The following ANTXR1 variants were observed in gnomAD, a reference collection of about 807,000 sequenced individuals.
ANTXR1 encodes ANTXR cell adhesion molecule 1, also known as anthrax toxin receptor 1.
Under a neutral mutation model 78.1 loss-of-function variants are expected in ANTXR1, and 19 were observed. The ratio of observed to expected loss-of-function variants is 0.24; its 90% CI spans 0.17 to 0.36. The LOEUF (loss-of-function observed/expected upper bound fraction) is 0.36. ANTXR1 is among the 10% of genes least tolerant of loss of function. The probability of loss-of-function intolerance (pLI) is 1.00; values close to 1 mark genes in which losing one functional copy is unlikely to be tolerated. For synonymous variants in ANTXR1, 273 were observed against 260.5 expected (o/e 1.05, Z -0.46); for missense variants, 518 against 718.6 (o/e 0.72, Z 3.19).
At chr2:69,132,955 A>T (rs909557583) in intron 12 of ANTXR1, among the ~76,000 whole-genome samples, 2 of 152,234 alleles carry the variant, frequency 1.3e-5, no homozygotes, top group Non-Finnish European at 2.9e-5. Flanking sequence ...TATAAAAGCA[A>T]ATATCACACA....
chr2:69,235,581 G>T (rs1675737784), intron 17 of ANTXR1, among the ~76,000 whole-genome samples: 1 of 149,732 alleles, frequency 6.7e-6, no homozygotes, highest in Non-Finnish European at 1.5e-5. Context: ...GAACCCAGGA[G>T]GCAGAGGTTG....
chr2:69,205,349 G>A (rs1674870010), intron 17 of ANTXR1, among the ~76,000 whole-genome samples: 1 of 152,006 alleles, frequency 6.6e-6, no homozygotes, highest in Non-Finnish European at 1.5e-5. Context: ...AACCAGGGAG[G>A]GTAGGGAGTG....
chr2:69,039,685 CTAATCAGAGAAA>C (rs1235657536), intron 1 of ANTXR1, among the ~76,000 whole-genome samples: 1 of 152,044 alleles, frequency 6.6e-6, no homozygotes, highest in Non-Finnish European at 1.5e-5. Flanking sequence ...TTTTTCTTCC[CTAATCAGAGAAA>C]TAATTTAATA....
At chr2:69,225,391 G>A (rs896278083) in intron 17 of ANTXR1, among the ~76,000 whole-genome samples, 1 of 152,158 alleles carries the variant, frequency 6.6e-6, no homozygotes, top group Non-Finnish European at 1.5e-5. Context: ...AAAGTGGAAG[G>A]ATCGCTTGAG....
intron 13 of ANTXR1, among the ~76,000 whole-genome samples, chr2:69,160,405 TAACCTTA>T (rs931937974): frequency 1.3e-5 from 2 of 152,188 alleles, no homozygotes; most frequent in Admixed American, 1.3e-4. Context: ...TCCAATCCTT[TAACCTTA>T]ATTTCCCCCG....
chr2:69,081,849 C>T (rs772492447), intron 8 of ANTXR1, among the ~76,000 whole-genome samples: 3 of 152,250 alleles, frequency 2.0e-5, no homozygotes, highest in Non-Finnish European at 4.4e-5. Flanking sequence ...AATCATTTCA[C>T]ATAATCATCT....
intron 17 of ANTXR1, among the ~76,000 whole-genome samples, chr2:69,240,709 G>A (rs1675875166): frequency 6.6e-6 from 1 of 152,230 alleles, no homozygotes; most frequent in Admixed American, 6.5e-5. Flanking sequence ...ACAGTATAAA[G>A]AGGATGAGTT....
chr2:69,158,091 T>C (rs1430062539), intron 13 of ANTXR1, among the ~76,000 whole-genome samples: 2 of 152,208 alleles, frequency 1.3e-5, no homozygotes, highest in African/African-American at 4.8e-5. Flanking sequence ...TGCTTGTCTG[T>C]CTTCCTCTGT....
chr2:69,036,983 G>A (rs1330844456), intron 1 of ANTXR1, among the ~76,000 whole-genome samples: 1 of 152,198 alleles, frequency 6.6e-6, no homozygotes, highest in Non-Finnish European at 1.5e-5. Context: ...AAAGCTTTAA[G>A]CCCAGGGCTA....
At chr2:69,183,568 ATTTTTGTTTTT>A (rs1371974541) in intron 16 of ANTXR1, among the ~76,000 whole-genome samples, 11 of 118,378 alleles carry the variant, frequency 9.3e-5, no homozygotes, top group African/African-American at 4.0e-4. Context: ...CACCCAGCTA[ATTTTTGTTTTT>A]TTTTTTTTTT....
rs759109972 is a variant in ANTXR1 at position 69,193,285 on chromosome 2, G to A, written c.1354-50G>A. 10 of 1,570,896 alleles carry A rather than the reference G, an allele frequency of 6.4e-6. No individual in the cohort carries two copies. In the South Asian group the frequency reaches 1.1e-4, roughly 17 times the overall value. On this transcript the variant is annotated intron_variant, in intron 16 of 17. Coordinates refer to ENST00000303714, the MANE Select transcript of ANTXR1 (RefSeq NM_032208.3). ...AAGTTCTGTGAGCCTACGGCGGCTA[G>A]CCACAGGTCTGGTTTCATATGTAAT...
Position 69,228,336 on chromosome 2 carries a change from G to C in ANTXR1, c.1435-16889G>C, listed in dbSNP as rs145097679. Among the ~76,000 whole-genome samples the C allele has an allele frequency of 1.4e-3, 211 of 152,304 alleles. 1 individual carries two copies. Among genetic ancestry groups the C allele is most frequent in the East Asian group, 0.013 (69 of 5,184 alleles). On this transcript the variant is annotated intron_variant, in intron 17 of 17. Transcript: ENST00000303714. ...GGAGGCTGGGTAAGTGTTGGGACCC[G>C]TGGAAACTTCTCAAATGGGTAATAT...
chr2:69,146,962 G>T lies in ANTXR1; in HGVS notation c.952-5207G>T, dbSNP rs1219836697. On this transcript the variant is annotated intron_variant, in intron 12 of 17. Coordinates refer to ENST00000303714, the MANE Select transcript of ANTXR1 (RefSeq NM_032208.3). ...GAGCAGCAGTCCCGACCCTCCTGGG[G>T]TGCAATCCGGGAAGGAGATCTTGGA... Among the ~76,000 whole-genome samples the T allele has an allele frequency of 2.6e-5, 4 of 152,258 alleles. No individual in the cohort carries two copies. The East Asian group carries it at 7.7e-4, about 29-fold the overall frequency.
chr2:69,160,139 G>A (rs1673639391), intron 13 of ANTXR1, among the ~76,000 whole-genome samples: 1 of 152,156 alleles, frequency 6.6e-6, no homozygotes, highest in African/African-American at 2.4e-5. Context: ...CACGCCTCAG[G>A]CTACAGCTGA....
At chr2:69,070,797 T>A in intron 4 of ANTXR1, 69 bp downstream of exon 4, 2 of 1,435,552 alleles carry the variant, frequency 1.4e-6, no homozygotes, top group Non-Finnish European at 2.0e-6. Context: ...GGGTGACTGA[T>A]GAGATAAGGC....
At chr2:69,035,282 G>A (rs1671648103) in intron 1 of ANTXR1, among the ~76,000 whole-genome samples, 1 of 152,140 alleles carries the variant, frequency 6.6e-6, no homozygotes. Flanking sequence ...TCCTGCCACT[G>A]GGGCTTTGGG....
chr2:69,129,040 C>G (rs1458495176), intron 12 of ANTXR1, among the ~76,000 whole-genome samples: 1 of 152,172 alleles, frequency 6.6e-6, no homozygotes, highest in Non-Finnish European at 1.5e-5. Flanking sequence ...AGAGCTAAAA[C>G]ATTCCTATAC....
chr2:69,180,703 G>T (rs910512788), intron 14 of ANTXR1, among the ~76,000 whole-genome samples: 1 of 152,198 alleles, frequency 6.6e-6, no homozygotes, highest in Non-Finnish European at 1.5e-5. Context: ...GAATACAATT[G>T]TAAGCATGAC....
At position 69,147,450 on chromosome 2, in the gene ANTXR1, G is replaced by C. The variant is rs534905282; in HGVS notation, c.952-4719G>C. Among the ~76,000 whole-genome samples the C allele has an allele frequency of 1.4e-3, 208 of 152,274 alleles. 1 individual carries two copies. Among genetic ancestry groups the C allele is most frequent in the Non-Finnish European group, 2.3e-3 (156 of 68,026 alleles). On this transcript the variant is annotated intron_variant, in intron 12 of 17. Transcript: ENST00000303714. ...CTAAAGGGAAGACAGCCTCTGCCAT[G>C]GTCCCCCTCCCTCTCTGACTTTCCT...
Sources: allele counts gnomAD v4.1 joint callset (sites outside exome capture counted in the v4.1 genomes callset), GRCh38; gene constraint gnomAD v4.1.1; transcripts MANE v1.5; gene names NCBI Gene and HGNC (gene_info 2026-07-23, HGNC 2026-07-21).